LRRTM4: variants seen among roughly 807,000 people sequenced by gnomAD.
LRRTM4 encodes the protein leucine rich repeat transmembrane neuronal 4.
In LRRTM4, 25 loss-of-function variants were observed where a neutral mutation model predicts 47.6. That is an observed-to-expected ratio of 0.53 (90% confidence interval 0.38 to 0.73). The LOEUF is 0.73. Ranked by LOEUF, LRRTM4 falls within the 30% of genes least tolerant of loss-of-function variation. The pLI is 0.00. For missense variants in LRRTM4, 638 were observed against 713.4 expected (o/e 0.89, Z 1.20); for synonymous variants, 311 against 269.5 (o/e 1.15, Z -1.51).
At chr2:77,335,282 G>T (rs1312067235) in intron 3 of LRRTM4, among the ~76,000 whole-genome samples, 1 of 152,070 alleles carries the variant, frequency 6.6e-6, no homozygotes, top group Non-Finnish European at 1.5e-5. Flanking sequence ...GCTATAAGAT[G>T]CTGAACAATC....
At chr2:76,874,598 GTTTA>G (rs145533042) in intron 3 of LRRTM4, among the ~76,000 whole-genome samples, 7,464 of 151,758 alleles carry the variant, frequency 0.049, 448 homozygotes, top group African/African-American at 0.13. Flanking sequence ...AGGGACCACT[GTTTA>G]TTTAGAAAGT....
intron 3 of LRRTM4, among the ~76,000 whole-genome samples, chr2:77,335,597 T>C (rs1671134174): frequency 6.6e-6 from 1 of 152,206 alleles, no homozygotes; most frequent in Non-Finnish European, 1.5e-5. Flanking sequence ...TTGGAATTTG[T>C]TCTTGCATGC....
chr2:77,490,205 G>T (rs549028641), intron 3 of LRRTM4, among the ~76,000 whole-genome samples: 1 of 151,720 alleles, frequency 6.6e-6, no homozygotes, highest in Non-Finnish European at 1.5e-5. Flanking sequence ...AGCCGAGACC[G>T]CACCACTGCA....
In LRRTM4 at chr2:77,259,512, A is replaced by T. The variant is rs148281417; in HGVS notation, c.1551+258806T>A. 1.7e-4 allele frequency among the ~76,000 whole-genome samples: 26 copies of T among 152,226 alleles called. 1 individual carries two copies. The East Asian group carries it at 4.8e-3, about 28-fold the overall frequency. On this transcript the variant is annotated intron_variant, in intron 3 of 3. Coordinates refer to ENST00000409884, the MANE Select transcript of LRRTM4 (RefSeq NM_001134745.3). ...CACTGGTGAGGCATTAATAATCAAGACATACTCACTTTCGTGGGAAATCTA... is the reference window on the plus strand; with the variant it reads ...CACTGGTGAGGCATTAATAATCAAGTCATACTCACTTTCGTGGGAAATCTA...
At chr2:77,094,369 C>T (rs1670748826) in intron 3 of LRRTM4, among the ~76,000 whole-genome samples, 1 of 151,890 alleles carries the variant, frequency 6.6e-6, no homozygotes, top group Admixed American at 6.6e-5. Context: ...AAGAGATCTA[C>T]AGATTCAATG....
chr2:77,402,702 A>G (rs751925725), intron 3 of LRRTM4, among the ~76,000 whole-genome samples: 5 of 151,868 alleles, frequency 3.3e-5, no homozygotes, highest in Non-Finnish European at 7.4e-5. Context: ...TTTCACATAT[A>G]TTCACAGCTG....
At position 76,939,447 on chromosome 2, in the gene LRRTM4, T is replaced by G. The variant is rs528388442; in HGVS notation, c.1552-190531A>C. On this transcript the variant is annotated intron_variant, in intron 3 of 3. Transcript: ENST00000409884. ...TTGAAAAATTACACAGATTTTTTTG[T>G]CCACATTCCATTGGTGAAAAAATCG... is the stretch of plus-strand genomic sequence containing the variant. Among the ~76,000 whole-genome samples, 209 of 152,204 alleles carry G rather than the reference T, an allele frequency of 1.4e-3. 1 individual carries two copies. Among genetic ancestry groups the G allele is most frequent in the African/African-American group, 4.9e-3 (202 of 41,534 alleles).
intron 3 of LRRTM4, among the ~76,000 whole-genome samples, chr2:76,937,076 C>G (rs904520222): frequency 1.5e-4 from 22 of 147,610 alleles, no homozygotes; most frequent in African/African-American, 5.5e-4. Context: ...CTTTAATAAG[C>G]ATCATCTGAG....
At position 77,518,723 on chromosome 2, in the gene LRRTM4, C is replaced by T. The variant is rs749235565; in HGVS notation, c.1146G>A (p.Leu382=). ...TGAAGATGGTAGGTCTAGGGATAAT[C>T]AGAGGTTTCTGGGGAGTTTGGGGCA... The part of the protein sequence containing the change: ...HLVPQTPQKP[L]IIPRPTIFKP... The change falls in exon 3 of 4, where the codon CTG becomes CTA. Residue 382 remains leucine, a synonymous_variant. Coordinates refer to ENST00000409884, the MANE Select transcript of LRRTM4 (RefSeq NM_001134745.3). The T allele has an allele frequency of 5.6e-6, 9 of 1,613,472 alleles. No individual in the cohort carries two copies. The East Asian group carries it at 8.9e-5, about 16-fold the overall frequency.
intron 3 of LRRTM4, among the ~76,000 whole-genome samples, chr2:77,506,508 A>C (rs1215639158): frequency 1.3e-5 from 2 of 151,860 alleles, no homozygotes; most frequent in African/African-American, 4.8e-5. Context: ...GTTCTACTGC[A>C]CTAACGTCAA....
rs367849117 is a variant in LRRTM4 at position 77,153,650 on chromosome 2, G to A, written c.1551+364668C>T. 1.2e-4 allele frequency among the ~76,000 whole-genome samples: 19 copies of A among 152,158 alleles called. No homozygotes were observed. In the East Asian group the frequency reaches 2.9e-3, roughly 23 times the overall value. On this transcript the variant is annotated intron_variant, in intron 3 of 3. Transcript: ENST00000409884. ...CTTTTCAGGTAAAATATTCCTTAGA[G>A]CAAAAAGGGCATTTTTAGGGCTAAT... is the stretch of plus-strand genomic sequence containing the variant.
intron 3 of LRRTM4, among the ~76,000 whole-genome samples, chr2:76,995,547 G>A (rs543309457): frequency 2.4e-4 from 36 of 151,992 alleles, no homozygotes; most frequent in Non-Finnish European, 4.6e-4. Flanking sequence ...CGGGGGACTG[G>A]CTCTATCAAA....
intron 3 of LRRTM4, among the ~76,000 whole-genome samples, chr2:77,483,703 A>C (rs1401882359): frequency 2.0e-5 from 3 of 152,170 alleles, no homozygotes; most frequent in Non-Finnish European, 4.4e-5. Flanking sequence ...CTGAAAAACA[A>C]AAATGCTTCC....
intron 3 of LRRTM4, among the ~76,000 whole-genome samples, chr2:77,233,784 T>C (rs1410972023): frequency 6.6e-6 from 1 of 152,044 alleles, no homozygotes; most frequent in African/African-American, 2.4e-5. Context: ...GTTGTTGTTG[T>C]TGTTGTTTGT....
At position 76,747,994 on chromosome 2, in the gene LRRTM4, A is replaced by G. The variant is rs1189654386; in HGVS notation, c.*701T>C. The G allele has an allele frequency of 1.3e-5, 2 of 152,310 alleles. No homozygotes were observed. The highest frequency in any genetic ancestry group is 2.1e-4 in the South Asian group (1 of 4,818). 9.4% of individuals were successfully genotyped at this position (152,310 alleles called of 1,614,324 possible). ...GGGACAAAACAAAATTCCTTCTATC[A>G]TGTACCATATATGGCATTTGTCATG... On this transcript the variant is annotated 3_prime_UTR_variant, in exon 4 of 4. Coordinates refer to ENST00000409884, the MANE Select transcript of LRRTM4 (RefSeq NM_001134745.3).
chr2:77,137,673 G>A (rs1671988079), intron 3 of LRRTM4, among the ~76,000 whole-genome samples: 1 of 152,130 alleles, frequency 6.6e-6, no homozygotes, highest in South Asian at 2.1e-4. Flanking sequence ...AAAAGACACA[G>A]ACTGGCAAAT....
intron 3 of LRRTM4, among the ~76,000 whole-genome samples, chr2:77,479,760 CTCTT>C (rs1422207291): frequency 2.6e-5 from 4 of 151,956 alleles, no homozygotes; most frequent in African/African-American, 9.7e-5. Flanking sequence ...CTTTCTCTCT[CTCTT>C]TCTCTTCTCT....
chr2:77,219,969 C>A (rs963293249), intron 3 of LRRTM4, among the ~76,000 whole-genome samples: 4 of 152,172 alleles, frequency 2.6e-5, no homozygotes, highest in African/African-American at 9.7e-5. Context: ...TAGGGGTGGA[C>A]TGACATTTCA....
chr2:76,928,893 G>T (rs1674675773), intron 3 of LRRTM4, among the ~76,000 whole-genome samples: 1 of 152,086 alleles, frequency 6.6e-6, no homozygotes, highest in Non-Finnish European at 1.5e-5. Flanking sequence ...TATATTTCCT[G>T]TGATTGTTTC....
Sources: gnomAD v4.1 joint callset for allele counts (sites outside exome capture counted in the v4.1 genomes callset) on GRCh38, gnomAD v4.1.1 for gene constraint, MANE v1.5 for transcripts, NCBI Gene and HGNC (gene_info 2026-07-23, HGNC 2026-07-21) for gene names.